NCKAP1: variants seen among roughly 807,000 people sequenced by gnomAD.
NCKAP1 encodes nck-associated protein 1.
NCKAP1 carries 21 observed loss-of-function variants against 151.2 expected under a neutral mutation model. The ratio of observed to expected loss-of-function variants is 0.14; its 90% CI spans 0.10 to 0.20. The LOEUF (loss-of-function observed/expected upper bound fraction) is 0.20. Among genes scored for constraint, NCKAP1 ranks in the 10% least tolerant of loss-of-function variants. NCKAP1 has a pLI of 1.00. For missense variants in NCKAP1, 933 were observed against 1,352.1 expected, an observed-to-expected ratio of 0.69 and a Z score of 4.86; for synonymous variants, 484 against 451.8, an observed-to-expected ratio of 1.07 and a Z score of -0.90.
chr2:183,009,475 GAAGC>G (rs1199446455), intron 2 of NCKAP1, among the ~76,000 whole-genome samples: 3,086 of 100,082 alleles, frequency 0.031, 114 homozygotes, highest in Non-Finnish European at 0.04. Context: ...AGGAAGGAAG[GAAGC>G]AAGCAAGCAA....
intron 2 of NCKAP1, among the ~76,000 whole-genome samples, chr2:183,015,249 G>C (rs1427302817): frequency 6.6e-6 from 1 of 152,042 alleles, no homozygotes; most frequent in Non-Finnish European, 1.5e-5. Context: ...TGTGTTTTGG[G>C]ATCATAAGAA....
rs2105804258 is a variant in NCKAP1, at chr2:182,934,847, A to C, written c.2779-15T>G. On this transcript the variant is annotated splice_polypyrimidine_tract_variant and intron_variant, in intron 25 of 30. Transcript: ENST00000361354. The stretch of plus-strand genomic sequence containing the variant: ...TAGGATAAGACCTAGGCAGGATAAC[A>C]AATAAGAATACAGAATTATTTTTAA... 3.3e-6 allele frequency: 4 copies of C among 1,217,080 alleles called. No individual in the cohort carries two copies. Among genetic ancestry groups the C allele is most frequent in the Non-Finnish European group, 4.7e-6 (4 of 855,088 alleles). 75.4% of individuals were successfully genotyped at this position (1,217,080 alleles called of 1,614,324 possible).
Position 182,994,887 on chromosome 2 carries a change from T to C in NCKAP1, c.742A>G (p.Met248Val), listed in dbSNP as rs1698237713. The change falls in exon 8 of 31, where the codon ATG becomes GTG. Residue 248 changes from methionine (M) to valine (V), a missense_variant and splice_region_variant. Transcript: ENST00000361354. ...TCCAAAGAGAGGTATTCACAAGGCATCTTAAAAAGAGAATATATACATTTG... is the reference window on the plus strand; with the variant it reads ...TCCAAAGAGAGGTATTCACAAGGCACCTTAAAAAGAGAATATATACATTTG... ...TMLNPAQSDT[M>V]PCEYLSLDAM... The C allele has an allele frequency of 6.2e-7, 1 of 1,601,854 alleles. No individual in the cohort carries two copies. Among genetic ancestry groups the C allele is most frequent in the Non-Finnish European group, 8.6e-7 (1 of 1,169,470 alleles).
At chr2:182,937,537 G>A (rs1160059972) in intron 24 of NCKAP1, among the ~76,000 whole-genome samples, 2 of 152,156 alleles carry the variant, frequency 1.3e-5, no homozygotes, top group African/African-American at 4.8e-5. Flanking sequence ...TGAAGGTCAT[G>A]CTAAGGAGTT....
At chr2:182,991,229 T>A (rs1698164994) in intron 8 of NCKAP1, among the ~76,000 whole-genome samples, 1 of 152,188 alleles carries the variant, frequency 6.6e-6, no homozygotes, top group Non-Finnish European at 1.5e-5. Context: ...TATTTATTTG[T>A]TTAAATTGGA....
chr2:182,979,017 A>G (rs907106454), intron 13 of NCKAP1, 102 bp from the exon 14 acceptor site: 1 of 548,038 alleles, frequency 1.8e-6, no homozygotes, highest in South Asian at 3.8e-5. Context: ...TACCCATACT[A>G]TGGAATATTT....
intron 6 of NCKAP1, among the ~76,000 whole-genome samples, chr2:182,999,265 T>C (rs1265103794): frequency 6.6e-6 from 1 of 152,040 alleles, no homozygotes; most frequent in Non-Finnish European, 1.5e-5. Context: ...AGGACTAATA[T>C]CCAGAATCTA....
At chr2:182,932,560 C>G (rs980835827) in intron 26 of NCKAP1, among the ~76,000 whole-genome samples, 109 of 152,196 alleles carry the variant, frequency 7.2e-4, no homozygotes, top group African/African-American at 2.6e-3. Flanking sequence ...AACTCTGTCA[C>G]TACACTAAAA....
chr2:182,915,419 G>A lies in NCKAP1; in HGVS notation c.*10283C>T, dbSNP rs1213410477. ...AACCCTTGGACCTCTGCAAGGATGT[G>A]ACAGGAATAGCACAACTCACTAGAG... On this transcript the variant is annotated 3_prime_UTR_variant, in exon 31 of 31. Transcript: ENST00000361354. 2 of 152,178 alleles carry A rather than the reference G, an allele frequency of 1.3e-5. No homozygotes were observed. The highest frequency in any genetic ancestry group is 4.8e-5 in the African/African-American group (2 of 41,426). 9.4% of individuals were successfully genotyped at this position (152,178 alleles called of 1,614,324 possible).
At position 183,023,902 on chromosome 2, in the gene NCKAP1, G is replaced by A. The variant is rs143505820; in HGVS notation, c.123C>T (p.Pro41=). 3.1e-6 allele frequency: 5 copies of A among 1,610,010 alleles called. No individual in the cohort carries two copies. Among genetic ancestry groups the A allele is most frequent in the Non-Finnish European group, 4.2e-6 (5 of 1,177,610 alleles). ...LYNIKKACGD[P]KAKPSYLIDK... is the part of the protein sequence containing the mutation. Reference sequence around the variant, plus strand: ...CGATAAGATAGGATGGTTTTGCCTTGGGGTCTCCACATGCCTATAAAACAA... The same window carrying A: ...CGATAAGATAGGATGGTTTTGCCTTAGGGTCTCCACATGCCTATAAAACAA... The change falls in exon 2 of 31, where the codon CCC becomes CCT. Residue 41 remains proline (P), a synonymous_variant. Transcript: ENST00000361354.
intron 6 of NCKAP1, among the ~76,000 whole-genome samples, chr2:183,000,994 C>T (rs538420315): frequency 1.3e-5 from 2 of 152,280 alleles, no homozygotes; most frequent in East Asian, 3.9e-4. Context: ...ACTCTCGAGG[C>T]AGGGGCAGGA....
Position 182,957,606 on chromosome 2 carries a change from G to C in NCKAP1, c.1882-10C>G. The C allele has an allele frequency of 6.2e-7, 1 of 1,607,986 alleles. No individual in the cohort carries two copies. Among genetic ancestry groups the C allele is most frequent in the Non-Finnish European group, 8.5e-7 (1 of 1,177,954 alleles). On this transcript the variant is annotated splice_polypyrimidine_tract_variant and intron_variant, in intron 18 of 30. Coordinates refer to ENST00000361354, the MANE Select transcript of NCKAP1 (RefSeq NM_013436.5). ...AATGCTTGGGTAGCAACTAAATTTA[G>C]AAAAGAATGAAATCTTACATTACAC...
intron 2 of NCKAP1, 50 bp downstream of exon 2, chr2:183,023,756 T>C (rs922900081): frequency 6.3e-6 from 9 of 1,433,642 alleles, no homozygotes; most frequent in Non-Finnish European, 8.8e-6. Context: ...GACCACTGTT[T>C]CTCTAAAAGA....
chr2:183,035,683 G>A (rs1054598216), intron 1 of NCKAP1, among the ~76,000 whole-genome samples: 1 of 152,174 alleles, frequency 6.6e-6, no homozygotes, highest in African/African-American at 2.4e-5. Flanking sequence ...TTCCTAGCCA[G>A]CTGGGAAGAT....
Position 182,909,900 on chromosome 2 carries a change from G to A in NCKAP1, c.*15802C>T, listed in dbSNP as rs1005546877. 1.3e-5 allele frequency: 2 copies of A among 152,172 alleles called. No individual in the cohort carries two copies. The highest frequency in any genetic ancestry group is 1.3e-4 in the Admixed American group (2 of 15,280). 9.4% of individuals were successfully genotyped at this position (152,172 alleles called of 1,614,324 possible). On this transcript the variant is annotated 3_prime_UTR_variant, in exon 31 of 31. Coordinates refer to ENST00000361354, the MANE Select transcript of NCKAP1 (RefSeq NM_013436.5). ...TTAGATAAGGGCCAAATAGCCTCCT[G>A]ATCCAAGGCCACAAATTCTGTCACA...
At chr2:183,022,247 CAT>C (rs1698810265) in intron 2 of NCKAP1, among the ~76,000 whole-genome samples, 1 of 152,010 alleles carries the variant, frequency 6.6e-6, no homozygotes, top group Non-Finnish European at 1.5e-5. Context: ...CTGAAGAGCT[CAT>C]GTCAGAAATT....
In NCKAP1 at chr2:182,914,258, A is replaced by G. The variant is rs1013242143; in HGVS notation, c.*11444T>C. ...ACATAGTAGGTATTTTAAAAACTATATTCATTGAACTGATGTTAGGATATG... is the reference window on the plus strand; with the variant it reads ...ACATAGTAGGTATTTTAAAAACTATGTTCATTGAACTGATGTTAGGATATG... On this transcript the variant is annotated 3_prime_UTR_variant, in exon 31 of 31. Coordinates refer to ENST00000361354, the MANE Select transcript of NCKAP1 (RefSeq NM_013436.5). The G allele has an allele frequency of 3.9e-5, 6 of 152,230 alleles. No homozygotes were observed. 9.4% of individuals were successfully genotyped at this position (152,230 alleles called of 1,614,324 possible).
intron 10 of NCKAP1, among the ~76,000 whole-genome samples, chr2:182,984,940 T>C (rs1255885301): frequency 6.6e-6 from 1 of 152,176 alleles, no homozygotes; most frequent in Non-Finnish European, 1.5e-5. Context: ...TTGTAAAAGA[T>C]CTTTATAAAA....
At chr2:182,994,032 C>T (rs544385695) in intron 8 of NCKAP1, among the ~76,000 whole-genome samples, 14 of 152,104 alleles carry the variant, frequency 9.2e-5, no homozygotes, top group Non-Finnish European at 1.5e-4. Context: ...CAAACAAAAA[C>T]CTTGTGTCTA....
Sources: gnomAD v4.1 joint callset for allele counts (sites outside exome capture counted in the v4.1 genomes callset) on GRCh38, gnomAD v4.1.1 for gene constraint, MANE v1.5 for transcripts, NCBI Gene and HGNC (gene_info 2026-07-23, HGNC 2026-07-21) for gene names.